MRTFA: variants seen among roughly 807,000 people sequenced by gnomAD.
The protein encoded by MRTFA is myocardin related transcription factor A, also known as myocardin-related transcription factor A.
A neutral mutation model predicts 83.5 loss-of-function variants in MRTFA; 20 were observed. That is an observed-to-expected ratio of 0.24 (90% CI 0.17 to 0.35). The LOEUF (loss-of-function observed/expected upper bound fraction) is 0.35. Among genes scored for constraint, MRTFA ranks in the 10% least tolerant of loss-of-function variants. The probability of loss-of-function intolerance (pLI) is 1.00; values close to 1 mark genes in which losing one functional copy is unlikely to be tolerated. For synonymous variants in MRTFA, 659 were observed against 541.2 expected (o/e 1.22, Z -3.02); for missense variants, 1,200 against 1,224.7 (o/e 0.98, Z 0.30).
At chr22:40,487,535 T>C (rs2054192974) in intron 3 of MRTFA, among the ~76,000 whole-genome samples, 1 of 152,186 alleles carries the variant, frequency 6.6e-6, no homozygotes, top group Non-Finnish European at 1.5e-5. Flanking sequence ...GGATATTAGC[T>C]GCCTACCACA....
chr22:40,608,110 C>T (rs886186346), intron 1 of MRTFA, among the ~76,000 whole-genome samples: 4 of 152,114 alleles, frequency 2.6e-5, no homozygotes, highest in Non-Finnish European at 4.4e-5. Context: ...CTGCAACCTC[C>T]GCCTCCTGGG....
intron 7 of MRTFA, among the ~76,000 whole-genome samples, chr22:40,426,626 T>C (rs773638083): frequency 3.3e-5 from 5 of 152,162 alleles, no homozygotes; most frequent in Non-Finnish European, 4.4e-5. Context: ...TTCCCTCTTG[T>C]ACCTCTGTAC....
At chr22:40,500,374 AT>A (rs1209894398) in intron 3 of MRTFA, among the ~76,000 whole-genome samples, 88 of 103,344 alleles carry the variant, frequency 8.5e-4, no homozygotes, top group African/African-American at 2.3e-3. Context: ...TTCATTTTTT[AT>A]TTTTTTTATA....
rs376382989 is a variant in MRTFA, at chr22:40,419,416, G to A, written c.1354-32C>T. 48 of 1,603,650 alleles carry A rather than the reference G, an allele frequency of 3.0e-5. 1 individual carries two copies. The South Asian group carries it at 4.3e-4, about 14-fold the overall frequency. On this transcript the variant is annotated intron_variant, in intron 11 of 14. Coordinates refer to ENST00000355630, the MANE Select transcript of MRTFA (RefSeq NM_020831.6). ...GGCAGTCAAGAGTCAGGGAGGCCAG[G>A]GGCAGCTGGACACAGGGCACTGGGT...
Position 40,411,291 on chromosome 22 carries a change from G to A in MRTFA, c.*99C>T. ...AAAAAGCAGGGGCTGTGATTGTCAA[G>A]ACTCACAACCATGTGGAGAGGCCGA... On this transcript the variant is annotated 3_prime_UTR_variant, in exon 15 of 15. Coordinates refer to ENST00000355630, the MANE Select transcript of MRTFA (RefSeq NM_020831.6). 1.6e-6 allele frequency: 2 copies of A among 1,283,380 alleles called. No homozygotes were observed. Among genetic ancestry groups the A allele is most frequent in the Non-Finnish European group, 2.1e-6 (2 of 939,534 alleles). 79.5% of individuals were successfully genotyped at this position (1,283,380 alleles called of 1,614,324 possible).
Position 40,429,630 on chromosome 22 carries a change from A to T in MRTFA, c.577T>A (p.Ser193Thr). The change falls in exon 7 of 15, where the codon TCC becomes ACC. Residue 193 changes from serine to threonine, a missense_variant. Ser to Thr is a moderately conservative substitution (Grantham distance 58). Transcript: ENST00000355630. ...CCAATGATGGCTTCCTTCAGGCTGG[A>T]CTCAACAGGAAGGATGTTCTTCTCC... The T allele has an allele frequency of 6.2e-7, 1 of 1,614,072 alleles. No individual in the cohort carries two copies. Among genetic ancestry groups the T allele is most frequent in the Non-Finnish European group, 8.5e-7 (1 of 1,180,006 alleles).
Position 40,418,647 on chromosome 22 carries a change from G to A in MRTFA, c.2091C>T (p.Phe697=). 6.5e-7 allele frequency: 1 copy of A among 1,528,440 alleles called. No individual in the cohort carries two copies. The highest frequency in any genetic ancestry group is 8.7e-7 in the Non-Finnish European group (1 of 1,146,198). The allele number at this position is 1,528,440 out of a possible 1,614,324, so 94.7% of individuals were successfully genotyped here. The change falls in exon 12 of 15, where the codon TTC becomes TTT. Residue 697 remains phenylalanine (F), a synonymous_variant. Transcript: ENST00000355630. ...TGGCTGGGGCCGCCAGGCTGGGGTT[G>A]AATGGGTGAGCGGGGCCCAGGGGCT... is the stretch of plus-strand genomic sequence containing the variant.
intron 3 of MRTFA, among the ~76,000 whole-genome samples, chr22:40,467,016 A>C (rs564581509): frequency 2.6e-5 from 4 of 152,220 alleles, no homozygotes; most frequent in African/African-American, 7.2e-5. Context: ...GCTCCAGTAC[A>C]AAGACGAAAG....
chr22:40,632,676 T>G (rs894594071), intron 1 of MRTFA, among the ~76,000 whole-genome samples: 1 of 152,126 alleles, frequency 6.6e-6, no homozygotes, highest in African/African-American at 2.4e-5. Flanking sequence ...CCTCAAGGGA[T>G]CCACCTGCCT....
intron 3 of MRTFA, among the ~76,000 whole-genome samples, chr22:40,550,589 G>A (rs188124120): frequency 6.6e-6 from 1 of 152,068 alleles, no homozygotes; most frequent in East Asian, 1.9e-4. Flanking sequence ...TAACTTACAA[G>A]GAAAATGAAT....
intron 2 of MRTFA, among the ~76,000 whole-genome samples, chr22:40,555,008 T>G (rs968397730): frequency 2.6e-5 from 4 of 152,264 alleles, no homozygotes; most frequent in African/African-American, 9.6e-5. Context: ...CCCTTTCTTT[T>G]GGCAAATTTC....
At chr22:40,591,403 TGG>T (rs1287582667) in intron 2 of MRTFA, among the ~76,000 whole-genome samples, 1 of 151,552 alleles carries the variant, frequency 6.6e-6, no homozygotes, top group Non-Finnish European at 1.5e-5. Flanking sequence ...AACAAAAGAG[TGG>T]TATGTTTGAC....
At chr22:40,463,449 A>G (rs1377736689) in intron 3 of MRTFA, 163 bp from the exon 4 acceptor site, 1 of 602,202 alleles carries the variant, frequency 1.7e-6, no homozygotes, top group East Asian at 2.8e-5. Context: ...GTGGCCTGAT[A>G]CAGCAGAGTT....
chr22:40,599,314 A>T (rs1366254088), intron 1 of MRTFA, among the ~76,000 whole-genome samples: 1 of 152,166 alleles, frequency 6.6e-6, no homozygotes, highest in Non-Finnish European at 1.5e-5. Flanking sequence ...AACAAAAAAA[A>T]CTTGGGCATT....
intron 14 of MRTFA, 46 bp from the exon 15 acceptor site, chr22:40,411,953 G>A (rs752896166): frequency 5.7e-6 from 8 of 1,409,552 alleles, no homozygotes; most frequent in South Asian, 3.8e-5. Context: ...AGCCAAGCCT[G>A]TATATCTACA....
At chr22:40,495,300 A>C (rs1004039588) in intron 3 of MRTFA, among the ~76,000 whole-genome samples, 4 of 152,074 alleles carry the variant, frequency 2.6e-5, no homozygotes, top group Non-Finnish European at 5.9e-5. Flanking sequence ...AATACAAAAA[A>C]AATTAGCCAG....
In MRTFA at chr22:40,418,922, C is replaced by A. The variant is rs373851546; in HGVS notation, c.1816G>T (p.Gly606Trp). ...CCCCCAGGGCTCAGGCAACAGGACC[C>A]GGCCCGGGGGCCCTCCTCCTTCACG... Residue 606 changes from glycine (G) to tryptophan (W), a missense_variant, in exon 12 of 15, where the codon GGG (glycine) becomes TGG (tryptophan). Around this residue, in one of 2 missense-constraint regions of MRTFA, gnomAD observed 1,107 missense variants for 1,041.8 expected, o/e 1.06. Transcript: ENST00000355630. 2.5e-6 allele frequency: 4 copies of A among 1,612,792 alleles called. No homozygotes were observed. The highest frequency in any genetic ancestry group is 3.4e-6 in the Non-Finnish European group (4 of 1,179,902).
At chr22:40,562,730 A>G (rs1358064566) in intron 2 of MRTFA, among the ~76,000 whole-genome samples, 10 of 42,126 alleles carry the variant, frequency 2.4e-4, no homozygotes, top group African/African-American at 4.2e-4. Flanking sequence ...GGGAAGGGGG[A>G]AGGGGGGAAG....
intron 3 of MRTFA, among the ~76,000 whole-genome samples, chr22:40,479,625 T>C (rs879455641): frequency 4.6e-5 from 7 of 152,190 alleles, no homozygotes; most frequent in Non-Finnish European, 8.8e-5. Context: ...TGCCATCTCT[T>C]GGAGAGAAAG....
Sources: allele counts gnomAD v4.1 joint callset (sites outside exome capture counted in the v4.1 genomes callset), GRCh38; gene constraint gnomAD v4.1.1; regional missense constraint gnomAD v4.1.1; transcripts MANE v1.5; gene names NCBI Gene and HGNC (gene_info 2026-07-23, HGNC 2026-07-21).